The following RAB38 variants were observed in gnomAD, a reference collection of about 807,000 sequenced individuals.
The protein encoded by RAB38 is ras-related protein Rab-38.
A neutral mutation model predicts 18.4 loss-of-function variants in RAB38; 15 were observed. The observed-to-expected ratio is 0.82, with a 90% confidence interval of 0.55 to 1.26. RAB38 has a LOEUF of 1.26. Ranked by LOEUF, RAB38 falls within the 50% of genes most tolerant of loss-of-function variation. The pLI is 0.00. For synonymous variants in RAB38, 101 were observed against 104.4 expected (o/e 0.97, Z 0.20); for missense variants, 294 against 267.4 (o/e 1.10, Z -0.69).
At chr11:87,925,185 G>A in the RAB38 span, among the ~76,000 whole-genome samples, 1 of 152,052 alleles carries the variant, frequency 6.6e-6, no homozygotes, top group African/African-American at 2.4e-5. Context: ...CTAGATCTGA[G>A]TATACTGAAA....
the RAB38 span, among the ~76,000 whole-genome samples, chr11:87,929,984 T>C: frequency 6.6e-6 from 1 of 152,166 alleles, no homozygotes; most frequent in Non-Finnish European, 1.5e-5. Context: ...TTTGGCTAGG[T>C]TCCAAGTCTT....
the RAB38 span, among the ~76,000 whole-genome samples, chr11:88,043,140 G>A: frequency 6.6e-5 from 10 of 152,078 alleles, no homozygotes; most frequent in East Asian, 1.9e-4. Flanking sequence ...CCATCTCTGC[G>A]AGACATTTCT....
chr11:88,134,097 C>T (rs1197415190), intron 2 of RAB38, among the ~76,000 whole-genome samples: 17 of 152,188 alleles, frequency 1.1e-4, no homozygotes, highest in Non-Finnish European at 1.2e-4. Flanking sequence ...ACTGCAGAAT[C>T]ATACATAACT....
the RAB38 span, among the ~76,000 whole-genome samples, chr11:87,894,780 TTATA>T: frequency 6.7e-6 from 1 of 149,962 alleles, no homozygotes; most frequent in Non-Finnish European, 1.5e-5. Flanking sequence ...TATGTACACA[TTATA>T]TATCATATAT....
chr11:87,881,843 C>T, the RAB38 span, among the ~76,000 whole-genome samples: 2 of 151,934 alleles, frequency 1.3e-5, no homozygotes. Flanking sequence ...ACCTGTGAAC[C>T]ATGTTGCTGG....
chr11:87,932,194 T>C, the RAB38 span, among the ~76,000 whole-genome samples: 3 of 151,898 alleles, frequency 2.0e-5, no homozygotes, highest in African/African-American at 7.3e-5. Flanking sequence ...GAAACCTACA[T>C]GAGAGGTTGA....
At chr11:87,842,286 A>G in the RAB38 span, among the ~76,000 whole-genome samples, 1 of 152,224 alleles carries the variant, frequency 6.6e-6, no homozygotes, top group Non-Finnish European at 1.5e-5. Context: ...ATGGAGCATC[A>G]TTAAGCTGTG....
rs115598288 is a variant in RAB38 at position 88,135,269 on chromosome 11, T to C, written c.483+14406A>G. Among the ~76,000 whole-genome samples the C allele has an allele frequency of 9.1e-3, 1,385 of 152,272 alleles. 20 individuals carry two copies. The highest frequency in any genetic ancestry group is 0.032 in the African/African-American group (1,344 of 41,540). On this transcript the variant is annotated intron_variant, in intron 2 of 2. Coordinates refer to ENST00000243662, the MANE Select transcript of RAB38 (RefSeq NM_022337.3). The stretch of plus-strand genomic sequence containing the variant: ...GCACTTATCTCCACCTGACAAACTA[T>C]ATATTACGTTTATTTACCATTTTAT...
chr11:87,937,103 A>C, the RAB38 span, among the ~76,000 whole-genome samples: 1 of 151,650 alleles, frequency 6.6e-6, no homozygotes. Flanking sequence ...TTATAGATAT[A>C]AGCTTTGTTG....
chr11:87,824,107 C>A, the RAB38 span, among the ~76,000 whole-genome samples: 1 of 152,128 alleles, frequency 6.6e-6, no homozygotes, highest in Non-Finnish European at 1.5e-5. Context: ...CATCTCTGTG[C>A]AGACAGATTG....
At chr11:88,082,722 G>A in the RAB38 span, among the ~76,000 whole-genome samples, 2 of 151,668 alleles carry the variant, frequency 1.3e-5, no homozygotes, top group African/African-American at 2.4e-5. Flanking sequence ...TTCATTGAAG[G>A]CATCCAGATC....
At chr11:87,862,518 G>A in the RAB38 span, among the ~76,000 whole-genome samples, 1 of 151,872 alleles carries the variant, frequency 6.6e-6, no homozygotes, top group African/African-American at 2.4e-5. Context: ...GAGGGTAGAG[G>A]GTGGGAGGAG....
the RAB38 span, among the ~76,000 whole-genome samples, chr11:88,079,759 T>C: frequency 6.6e-6 from 1 of 151,662 alleles, no homozygotes; most frequent in East Asian, 1.9e-4. Flanking sequence ...TCAATCTAAG[T>C]AATTCACCAC....
At chr11:88,115,457 T>C (rs1004878277) in intron 2 of RAB38, 23 of 152,238 alleles carry the variant, frequency 1.5e-4, no homozygotes, top group African/African-American at 5.5e-4. Context: ...TGACCTTAGT[T>C]GTAAATGTTT....
At chr11:87,892,243 T>C in the RAB38 span, among the ~76,000 whole-genome samples, 9 of 151,952 alleles carry the variant, frequency 5.9e-5, no homozygotes, top group African/African-American at 2.2e-4. Context: ...TTGCTAAAAC[T>C]TGGCAACATC....
At chr11:88,050,746 C>T in the RAB38 span, among the ~76,000 whole-genome samples, 1 of 152,276 alleles carries the variant, frequency 6.6e-6, no homozygotes, top group Admixed American at 6.5e-5. Context: ...GAAATAACCA[C>T]CCTCTACTCT....
chr11:88,150,656 C>T (rs1943052166), intron 1 of RAB38, among the ~76,000 whole-genome samples: 1 of 152,102 alleles, frequency 6.6e-6, no homozygotes, highest in South Asian at 2.1e-4. Context: ...AATTATTACC[C>T]CCATTTTAAA....
the RAB38 span, among the ~76,000 whole-genome samples, chr11:88,062,333 A>G: frequency 1.3e-5 from 2 of 152,034 alleles, no homozygotes; most frequent in African/African-American, 2.4e-5. Context: ...ACCTGGCACC[A>G]TGTAAGACAT....
the RAB38 span, among the ~76,000 whole-genome samples, chr11:87,842,880 A>C: frequency 1.3e-5 from 2 of 151,872 alleles, no homozygotes; most frequent in Non-Finnish European, 2.9e-5. Flanking sequence ...TGAGAAACAA[A>C]AAACATTTTT....
Sources: gnomAD v4.1 joint callset for allele counts (sites outside exome capture counted in the v4.1 genomes callset) on GRCh38, gnomAD v4.1.1 for gene constraint, MANE v1.5 for transcripts, NCBI Gene and HGNC (gene_info 2026-07-23, HGNC 2026-07-21) for gene names.